PATE2: variants seen among roughly 807,000 people sequenced by gnomAD.
PATE2 encodes the protein prostate and testis expressed protein 2.
In PATE2, 7 loss-of-function variants were observed where a neutral mutation model predicts 10.5. The observed-to-expected ratio is 0.66, with a 90% CI of 0.38 to 1.25. The LOEUF is 1.25. Among genes scored for constraint, PATE2 ranks in the 50% most tolerant of loss-of-function variants. The pLI is 0.02. For synonymous variants in PATE2, 44 were observed against 46.9 expected (o/e 0.94, Z 0.25); for missense variants, 133 against 135.4 (o/e 0.98, Z 0.09).
chr11:125,778,703 C>A lies in PATE2; in HGVS notation c.52+19G>T. 2 of 1,613,616 alleles carry A rather than the reference C, an allele frequency of 1.2e-6. No homozygotes were observed. Among genetic ancestry groups the A allele is most frequent in the Non-Finnish European group, 1.7e-6 (2 of 1,179,702 alleles). The stretch of plus-strand genomic sequence containing the variant: ...TCTCTTAACCAACCACCAGCTTCCC[C>A]TCTGTCTCCAGGACTTACCCCAATA... On this transcript the variant is annotated intron_variant, in intron 1 of 3. Coordinates refer to ENST00000358524, the MANE Select transcript of PATE2 (RefSeq NM_212555.3).
chr11:125,777,256 T>C lies in PATE2; in HGVS notation c.*126A>G. The stretch of plus-strand genomic sequence containing the variant: ...GCGTCTCCTTATGCCTGCTTGTCTT[T>C]TCACTATGAGCTGGCTTTCTCACTC... On this transcript the variant is annotated 3_prime_UTR_variant, in exon 4 of 4. Coordinates refer to ENST00000358524, the MANE Select transcript of PATE2 (RefSeq NM_212555.3). 8.4e-7 allele frequency: 1 copy of C among 1,190,224 alleles called. No homozygotes were observed. The highest frequency in any genetic ancestry group is 2.5e-5 in the East Asian group (1 of 40,224). 73.7% of individuals were successfully genotyped at this position (1,190,224 alleles called of 1,614,324 possible). A position where few individuals can be genotyped will look rare whatever the true frequency, so the allele number is the denominator to read the frequency against.
At position 125,777,954 on chromosome 11, in the gene PATE2, C is replaced by T; in HGVS notation, c.125G>A (p.Cys42Tyr). 1.2e-6 allele frequency: 2 copies of T among 1,613,202 alleles called. No individual in the cohort carries two copies. The highest frequency in any genetic ancestry group is 1.7e-6 in the Non-Finnish European group (2 of 1,179,334). Reference protein sequence around the residue: ...YECKKYHLGLCYGVMTSCSLK... With the variant: ...YECKKYHLGLYYGVMTSCSLK... The stretch of plus-strand genomic sequence containing the variant: ...GGAGCAGGATGTCATGACACCATAG[C>T]ATAACCCAAGATGATATTTTTTACA... Residue 42 changes from cysteine to tyrosine, a missense_variant, in exon 3 of 4, where the codon TGC (cysteine) becomes TAC (tyrosine). Physicochemically the swap from Cys to Tyr is radical, Grantham distance 194. Transcript: ENST00000358524.
intron 3 of PATE2, 68 bp downstream of exon 3, chr11:125,777,806 C>A (rs1212353831): frequency 1.3e-6 from 2 of 1,571,898 alleles, no homozygotes; most frequent in South Asian, 1.2e-5. Flanking sequence ...ACGCTGAGGG[C>A]AAAAGAACAC....
intron 2 of PATE2, 112 bp from the exon 3 acceptor site, chr11:125,778,114 G>T: frequency 2.6e-6 from 3 of 1,133,252 alleles, no homozygotes; most frequent in Non-Finnish European, 3.8e-6. Flanking sequence ...AACATTTTTT[G>T]GACCATGGAC....
rs757931292 is a variant in PATE2 at position 125,777,432 on chromosome 11, G to A, written c.292C>T (p.Leu98Phe). 9 of 1,613,638 alleles carry A rather than the reference G, an allele frequency of 5.6e-6. No homozygotes were observed. Among genetic ancestry groups the A allele is most frequent in the Non-Finnish European group, 7.6e-6 (9 of 1,179,804 alleles). The change falls in exon 4 of 4, where the codon CTC becomes TTC. Residue 98 changes from leucine (L) to phenylalanine (F), a missense_variant. Transcript: ENST00000358524. ...TAGTTACTATGATCACAACAGATGAGCTCTACCCTCTTCGTGAACCCCAGG... is the reference window on the plus strand; with the variant it reads ...TAGTTACTATGATCACAACAGATGAACTCTACCCTCTTCGTGAACCCCAGG... ...NFLGFTKRVE[L>F]ICCDHSNYCN...
rs552957240 is a variant in PATE2 at position 125,778,542 on chromosome 11, A to T, written c.76+10T>A. ...GTTTACCAAGGACTTCAGAGAAGCC[A>T]TGATTGTACCTTTTATAGGGTCATG... On this transcript the variant is annotated intron_variant, in intron 2 of 3. Coordinates refer to ENST00000358524, the MANE Select transcript of PATE2 (RefSeq NM_212555.3). The T allele has an allele frequency of 1.9e-6, 3 of 1,613,418 alleles. No individual in the cohort carries two copies. Among genetic ancestry groups the T allele is most frequent in the Non-Finnish European group, 2.5e-6 (3 of 1,179,494 alleles).
Position 125,777,286 on chromosome 11 carries a change from C to A in PATE2, c.*96G>T. On this transcript the variant is annotated 3_prime_UTR_variant, in exon 4 of 4. Transcript: ENST00000358524. ...TATGAGCTGGCTTTCTCACTCTCTACCAATGCATAGAAGAGGAGAGCAAAA... is the reference window on the plus strand; with the variant it reads ...TATGAGCTGGCTTTCTCACTCTCTAACAATGCATAGAAGAGGAGAGCAAAA... 7.0e-7 allele frequency: 1 copy of A among 1,429,596 alleles called. No individual in the cohort carries two copies. The highest frequency in any genetic ancestry group is 1.9e-5 in the Admixed American group (1 of 52,704). 88.6% of individuals were successfully genotyped at this position (1,429,596 alleles called of 1,614,324 possible).
chr11:125,778,019 G>T lies in PATE2; in HGVS notation c.77-17C>A. On this transcript the variant is annotated splice_polypyrimidine_tract_variant and intron_variant, in intron 2 of 3. Coordinates refer to ENST00000358524, the MANE Select transcript of PATE2 (RefSeq NM_212555.3). ...TTTCAGTCGCTGCCAGATACAAAAA[G>T]AGGTGCTTAGAGGATGCAGTCTTGA... 3.7e-6 allele frequency: 6 copies of T among 1,610,400 alleles called. No individual in the cohort carries two copies. The highest frequency in any genetic ancestry group is 5.1e-6 in the Non-Finnish European group (6 of 1,178,748).
chr11:125,778,597 TC>T (rs1397259204), intron 1 of PATE2, 22 bp from the exon 2 acceptor site: 1 of 1,613,222 alleles, frequency 6.2e-7, no homozygotes, highest in African/African-American at 1.3e-5. Flanking sequence ...AGAAAAACCT[TC>T]CATGTTACAG....
intron 2 of PATE2, 96 bp downstream of exon 2, chr11:125,778,456 G>T: frequency 7.6e-7 from 1 of 1,322,424 alleles, no homozygotes; most frequent in South Asian, 1.2e-5. Flanking sequence ...AATAAGAATG[G>T]ATTACAGGCC....
Position 125,777,317 on chromosome 11 carries a change from G to T in PATE2, c.*65C>A. 2 of 1,566,918 alleles carry T rather than the reference G, an allele frequency of 1.3e-6. No individual in the cohort carries two copies. Among genetic ancestry groups the T allele is most frequent in the Non-Finnish European group, 8.7e-7 (1 of 1,145,004 alleles). The stretch of plus-strand genomic sequence containing the variant: ...CATAGAAGAGGAGAGCAAAATTCAG[G>T]TTCAGGGAAGAGAAAAAGAGCGTAG... On this transcript the variant is annotated 3_prime_UTR_variant, in exon 4 of 4. Coordinates refer to ENST00000358524, the MANE Select transcript of PATE2 (RefSeq NM_212555.3).
Position 125,778,726 on chromosome 11 carries a change from A to G in PATE2, c.48T>C (p.Tyr16=), listed in dbSNP as rs372135162. 1.2e-6 allele frequency: 2 copies of G among 1,613,428 alleles called. No individual in the cohort carries two copies. Among genetic ancestry groups the G allele is most frequent in the African/African-American group, 1.3e-5 (1 of 74,874 alleles). ...CCCTCTGTCTCCAGGACTTACCCCA[A>G]TATGGGCAGAGCAGAAAGACTGTGC... ...LLGTVFLLCP[Y]WGELHDPIKA... is the part of the protein sequence containing the mutation. The change falls in exon 1 of 4, where the codon TAT becomes TAC. Residue 16 remains tyrosine, a synonymous_variant. Transcript: ENST00000358524.
rs762347920 is a variant in PATE2, at chr11:125,777,384, A to G, written c.340T>C (p.Ter114GlnextTer21). 16 of 1,613,314 alleles carry G rather than the reference A, an allele frequency of 9.9e-6. No homozygotes were observed. Among genetic ancestry groups the G allele is most frequent in the Non-Finnish European group, 8.5e-6 (10 of 1,179,518 alleles). Residue 114 changes from the stop codon to glutamine (Q), a stop_lost, in exon 4 of 4, where the codon TAG becomes CAG. Coordinates refer to ENST00000358524, the MANE Select transcript of PATE2 (RefSeq NM_212555.3). Reference sequence around the variant, plus strand: ...CAAAATCCAGGAGAGACGTAGAACTAAACTCCCTCAGGGAGGTTGCAGTAG... The same window carrying G: ...CAAAATCCAGGAGAGACGTAGAACTGAACTCCCTCAGGGAGGTTGCAGTAG... ...SNYCNLPEGV[*>Q] is the part of the protein sequence containing the mutation.
At position 125,776,850 on chromosome 11, in the gene PATE2, G is replaced by T. The variant is rs1018849050; in HGVS notation, c.*532C>A. On this transcript the variant is annotated 3_prime_UTR_variant, in exon 4 of 4. Coordinates refer to ENST00000358524, the MANE Select transcript of PATE2 (RefSeq NM_212555.3). The stretch of plus-strand genomic sequence containing the variant: ...TCAGTTTTTTTTTTTCTGCCCTGAG[G>T]TTCCCCCAAGAGCTCTATCAGAGAA... 1.9e-4 allele frequency: 29 copies of T among 151,744 alleles called. No homozygotes were observed. Among genetic ancestry groups the T allele is most frequent in the African/African-American group, 6.3e-4 (26 of 41,196 alleles). 9.4% of individuals were successfully genotyped at this position (151,744 alleles called of 1,614,324 possible). A position where few individuals can be genotyped will look rare whatever the true frequency, so the allele number is the denominator to read the frequency against.
At chr11:125,777,577 T>C in intron 3 of PATE2, 59 bp from the exon 4 acceptor site, 1 of 1,596,940 alleles carries the variant, frequency 6.3e-7, no homozygotes, top group Non-Finnish European at 8.6e-7. Flanking sequence ...TTTACTGCGT[T>C]CCTAGGAGTA....
intron 2 of PATE2, 39 bp downstream of exon 2, chr11:125,778,513 G>A: frequency 6.2e-7 from 1 of 1,601,820 alleles, no homozygotes; most frequent in East Asian, 2.2e-5. Flanking sequence ...GTCACAAATT[G>A]CCTGTTTACC....
intron 2 of PATE2, 73 bp from the exon 3 acceptor site, chr11:125,778,075 CA>C: frequency 6.5e-7 from 1 of 1,527,524 alleles, no homozygotes; most frequent in Non-Finnish European, 8.9e-7. Flanking sequence ...GGCTTCACTA[CA>C]GGACCTTATT....
At chr11:125,777,787 C>T in intron 3 of PATE2, 87 bp downstream of exon 3, 1 of 1,493,592 alleles carries the variant, frequency 6.7e-7, no homozygotes, top group Non-Finnish European at 9.1e-7. Flanking sequence ...CCATCCCATT[C>T]ACCTACTCAC....
chr11:125,777,955 A>G lies in PATE2; in HGVS notation c.124T>C (p.Cys42Arg). The G allele has an allele frequency of 1.2e-6, 2 of 1,613,202 alleles. No individual in the cohort carries two copies. The highest frequency in any genetic ancestry group is 1.1e-5 in the South Asian group (1 of 91,060). Reference sequence around the variant, plus strand: ...GAGCAGGATGTCATGACACCATAGCATAACCCAAGATGATATTTTTTACAT... The same window carrying G: ...GAGCAGGATGTCATGACACCATAGCGTAACCCAAGATGATATTTTTTACAT... ...YECKKYHLGLCYGVMTSCSLK... is the reference protein window; with the variant it reads ...YECKKYHLGLRYGVMTSCSLK... Residue 42 changes from cysteine (C) to arginine (R), a missense_variant, in exon 3 of 4, where the codon TGC becomes CGC. Physicochemically the swap from Cys to Arg is radical, Grantham distance 180. Coordinates refer to ENST00000358524, the MANE Select transcript of PATE2 (RefSeq NM_212555.3).
Sources: allele counts gnomAD v4.1 joint callset, GRCh38; gene constraint gnomAD v4.1.1; transcripts MANE v1.5; gene names NCBI Gene and HGNC (gene_info 2026-07-23, HGNC 2026-07-21).